The following CENPW variants were observed in gnomAD, a reference collection of about 807,000 sequenced individuals.
CENPW encodes the protein cancer-up-regulated gene 2 protein.
In CENPW, 3 loss-of-function variants were observed where a neutral mutation model predicts 11.1. That is an observed-to-expected ratio of 0.27 (90% CI 0.12 to 0.70). CENPW has a LOEUF of 0.70. CENPW is among the 30% of genes least tolerant of loss of function. The pLI, the probability that CENPW is intolerant of heterozygous loss-of-function variation, is 0.77. For missense variants in CENPW, 100 were observed against 105.6 expected (o/e 0.95, Z 0.23); for synonymous variants, 38 against 42.0 (o/e 0.91, Z 0.37).
At chr6:126,415,287 T>C in the CENPW span, among the ~76,000 whole-genome samples, 229 of 152,316 alleles carry the variant, frequency 1.5e-3, 1 homozygote, top group South Asian at 0.011. Context: ...TTATTGTTTT[T>C]ATTCACTCAC....
the CENPW span, among the ~76,000 whole-genome samples, chr6:126,458,372 A>T: frequency 6.6e-6 from 1 of 151,360 alleles, no homozygotes; most frequent in East Asian, 1.9e-4. Flanking sequence ...AATATTTCAT[A>T]TATTCCCCTC....
the CENPW span, among the ~76,000 whole-genome samples, chr6:126,460,216 A>G: frequency 1.3e-5 from 2 of 151,652 alleles, no homozygotes; most frequent in Non-Finnish European, 3.0e-5. Context: ...TTTGTTTTAA[A>G]TTTACTTGAA....
At chr6:126,389,936 T>C in the CENPW span, among the ~76,000 whole-genome samples, 2 of 151,944 alleles carry the variant, frequency 1.3e-5, no homozygotes, top group Admixed American at 6.6e-5. Flanking sequence ...AAAATGCTGC[T>C]GCCACAAATG....
chr6:126,463,013 A>G, the CENPW span, among the ~76,000 whole-genome samples: 2 of 152,074 alleles, frequency 1.3e-5, no homozygotes, highest in African/African-American at 2.4e-5. Context: ...GCTTAATGGG[A>G]CAAGTTTAGG....
chr6:126,391,615 A>T, the CENPW span, among the ~76,000 whole-genome samples: 1 of 151,870 alleles, frequency 6.6e-6, no homozygotes, highest in Non-Finnish European at 1.5e-5. Context: ...CTTAGATGTA[A>T]ATCTTTAATA....
At chr6:126,342,099 A>G (rs1408114508) in intron 1 of CENPW, among the ~76,000 whole-genome samples, 4 of 152,178 alleles carry the variant, frequency 2.6e-5, no homozygotes, top group African/African-American at 9.7e-5. Context: ...CTTTCTGCTC[A>G]CCTTTGACAC....
the CENPW span, among the ~76,000 whole-genome samples, chr6:126,365,862 C>G: frequency 6.6e-6 from 1 of 152,184 alleles, no homozygotes. Context: ...TGTGACAGTG[C>G]ATTTTCTCTC....
At chr6:126,460,418 C>G in the CENPW span, among the ~76,000 whole-genome samples, 1 of 151,662 alleles carries the variant, frequency 6.6e-6, no homozygotes, top group South Asian at 2.1e-4. Flanking sequence ...TTCATGTTTG[C>G]ACAATTGCTT....
At chr6:126,460,446 G>A in the CENPW span, among the ~76,000 whole-genome samples, 203 of 151,720 alleles carry the variant, frequency 1.3e-3, 1 homozygote, top group South Asian at 4.8e-3. Context: ...TAATGCAAGC[G>A]CTTTAAAGAA....
chr6:126,360,174 G>A, the CENPW span, among the ~76,000 whole-genome samples: 2 of 152,076 alleles, frequency 1.3e-5, no homozygotes, highest in African/African-American at 4.8e-5. Flanking sequence ...TTTTTCCTTT[G>A]CTTATGAAGT....
chr6:126,350,681 T>C (rs1780481428), downstream of CENPW, among the ~76,000 whole-genome samples: 1 of 152,166 alleles, frequency 6.6e-6, no homozygotes, highest in Non-Finnish European at 1.5e-5. Context: ...AGGGAAAGAA[T>C]ACCTGTGTGG....
chr6:126,388,027 C>T, the CENPW span, among the ~76,000 whole-genome samples: 2 of 151,892 alleles, frequency 1.3e-5, no homozygotes, highest in Non-Finnish European at 2.9e-5. Flanking sequence ...GCTTATACAA[C>T]GTTTCACCAT....
At chr6:126,398,562 T>C in the CENPW span, among the ~76,000 whole-genome samples, 1 of 152,262 alleles carries the variant, frequency 6.6e-6, no homozygotes, top group South Asian at 2.1e-4. Context: ...TTACTTATAC[T>C]ATCTAATACA....
At chr6:126,468,765 T>C in the CENPW span, among the ~76,000 whole-genome samples, 1 of 152,180 alleles carries the variant, frequency 6.6e-6, no homozygotes, top group Non-Finnish European at 1.5e-5. Context: ...AACTATAATG[T>C]AAAGATGGAA....
chr6:126,381,851 A>G, the CENPW span, among the ~76,000 whole-genome samples: 1 of 152,174 alleles, frequency 6.6e-6, no homozygotes, highest in African/African-American at 2.4e-5. Context: ...CCAGTCCCCT[A>G]AAGTTAGAGC....
the CENPW span, among the ~76,000 whole-genome samples, chr6:126,450,975 A>G: frequency 2.6e-5 from 4 of 150,988 alleles, no homozygotes; most frequent in Admixed American, 6.6e-5. Context: ...TAAAGCTGCC[A>G]CAATTCTATG....
At chr6:126,418,832 C>T in the CENPW span, among the ~76,000 whole-genome samples, 11 of 147,352 alleles carry the variant, frequency 7.5e-5, no homozygotes, top group Admixed American at 5.7e-4. Flanking sequence ...ATCGCAAGGA[C>T]AAAAAGCCGA....
the CENPW span, among the ~76,000 whole-genome samples, chr6:126,381,698 T>G: frequency 6.6e-6 from 1 of 152,144 alleles, no homozygotes; most frequent in Non-Finnish European, 1.5e-5. Context: ...TAAATATGGA[T>G]CCCACTGTCA....
chr6:126,467,793 A>T, the CENPW span, among the ~76,000 whole-genome samples: 2 of 152,148 alleles, frequency 1.3e-5, no homozygotes, highest in Non-Finnish European at 2.9e-5. Flanking sequence ...AAAAAGGGGC[A>T]AAAATGTAGT....
Sources: gnomAD v4.1 joint callset for allele counts (sites outside exome capture counted in the v4.1 genomes callset) on GRCh38, gnomAD v4.1.1 for gene constraint, MANE v1.5 for transcripts, NCBI Gene and HGNC (gene_info 2026-07-23, HGNC 2026-07-21) for gene names.